The following KCNN3 variants were observed in gnomAD, a reference collection of about 807,000 sequenced individuals.
The protein encoded by KCNN3 is potassium calcium-activated channel subfamily N member 3, also known as small conductance calcium-activated potassium channel protein 3.
A neutral mutation model predicts 62.9 loss-of-function variants in KCNN3; 16 were observed. The ratio of observed to expected loss-of-function variants is 0.25; its 90% confidence interval spans 0.17 to 0.39. KCNN3 has a LOEUF of 0.39. Among genes scored for constraint, KCNN3 ranks in the 10% least tolerant of loss-of-function variants. The pLI is 1.00. For missense variants in KCNN3, 599 were observed against 949.4 expected (o/e 0.63, Z 4.85); for synonymous variants, 370 against 389.2 (o/e 0.95, Z 0.58).
At chr1:154,830,492 G>A (rs1174850814) in intron 1 of KCNN3, among the ~76,000 whole-genome samples, 1 of 152,242 alleles carries the variant, frequency 6.6e-6, no homozygotes, top group Non-Finnish European at 1.5e-5. Context: ...TGTGATAGAT[G>A]GTGAACAGAC....
At chr1:154,836,335 T>C (rs1473533971) in intron 1 of KCNN3, among the ~76,000 whole-genome samples, 1 of 152,216 alleles carries the variant, frequency 6.6e-6, no homozygotes, top group Admixed American at 6.5e-5. Flanking sequence ...CGACTGGCCT[T>C]AATTTGGGCT....
intron 5 of KCNN3, among the ~76,000 whole-genome samples, chr1:154,719,057 G>A (rs1700292074): frequency 6.6e-6 from 1 of 152,134 alleles, no homozygotes; most frequent in Admixed American, 6.5e-5. Context: ...TGCTATTACA[G>A]AGGGGCTGTC....
intron 7 of KCNN3, 45 bp downstream of exon 7, chr1:154,713,419 A>G: frequency 6.7e-7 from 1 of 1,488,878 alleles, no homozygotes; most frequent in Non-Finnish European, 9.4e-7. Context: ...GAGAAGACTC[A>G]GTGTCTGCGT....
Position 154,711,864 on chromosome 1 carries a change from G to A in KCNN3, c.1899+1600C>T, listed in dbSNP as rs181583578. On this transcript the variant is annotated intron_variant, in intron 7 of 7. Coordinates refer to ENST00000271915, the MANE Select transcript of KCNN3 (RefSeq NM_002249.6). ...GAATTGGAGCCTGTTACAGTCTGTC[G>A]CGGGGACAGGAGGCAGAGAGGGAGA... Among the ~76,000 whole-genome samples, 349 of 152,234 alleles carry A rather than the reference G, an allele frequency of 2.3e-3. 2 individuals carry two copies. The highest frequency in any genetic ancestry group is 7.9e-3 in the African/African-American group (329 of 41,510).
rs193001716 is a variant in KCNN3, at chr1:154,828,344, C to T, written c.934-6160G>A. ...ATAGGGACATGTCCAACACTCATTC[C>T]TTTTTTTTTTTTTCTTAGGAGTTTT... is the stretch of plus-strand genomic sequence containing the variant. On this transcript the variant is annotated intron_variant, in intron 1 of 7. Coordinates refer to ENST00000271915, the MANE Select transcript of KCNN3 (RefSeq NM_002249.6). Among the ~76,000 whole-genome samples, 515 of 145,186 alleles carry T rather than the reference C, an allele frequency of 3.5e-3. 3 individuals are homozygous for T. Among genetic ancestry groups the T allele is most frequent in the African/African-American group, 0.012 (463 of 39,762 alleles).
At position 154,869,022 on chromosome 1, in the gene KCNN3, C is replaced by T; in HGVS notation, c.933+10G>A. 6.2e-7 allele frequency: 1 copy of T among 1,613,892 alleles called. No homozygotes were observed. Among genetic ancestry groups the T allele is most frequent in the East Asian group, 2.2e-5 (1 of 44,868 alleles). ...TTGTTCAAGGTATAAAGAGAAACCA[C>T]AGCCCCTACCTTTGAGTACAAACCC... On this transcript the variant is annotated intron_variant, in intron 1 of 7. Coordinates refer to ENST00000271915, the MANE Select transcript of KCNN3 (RefSeq NM_002249.6). This position sits in a 1 kb window ranked among gnomAD's most constrained non-coding sequence, Gnocchi z 6.1.
At chr1:154,717,954 G>A (rs896995200) in intron 5 of KCNN3, among the ~76,000 whole-genome samples, 2 of 152,264 alleles carry the variant, frequency 1.3e-5, no homozygotes, top group African/African-American at 4.8e-5. Context: ...GAGCACATGA[G>A]GTCATGTGCC....
Position 154,733,008 on chromosome 1 carries a change from T to C in KCNN3, c.1585A>G (p.Ile529Val). 6.2e-7 allele frequency: 1 copy of C among 1,614,116 alleles called. No homozygotes were observed. Among genetic ancestry groups the C allele is most frequent in the Non-Finnish European group, 8.5e-7 (1 of 1,180,012 alleles). Residue 529 changes from isoleucine to valine, a missense_variant, in exon 4 of 8, where the codon ATC becomes GTC. Transcript: ENST00000271915. ...GGGGAGAGGCGGGTACTCACCATGA[T>C]GCCAGTGAGGAGACAGACACCTTTC... ...CGKGVCLLTG[I>V]MGAGCTALVV...
chr1:154,846,648 G>A (rs1185986535), intron 1 of KCNN3, among the ~76,000 whole-genome samples: 1 of 152,190 alleles, frequency 6.6e-6, no homozygotes, highest in East Asian at 1.9e-4. Flanking sequence ...TTGGGTGTCT[G>A]CAGCCAGTTT....
intron 3 of KCNN3, among the ~76,000 whole-genome samples, chr1:154,746,217 C>A (rs537772977): frequency 8.5e-5 from 13 of 152,308 alleles, no homozygotes; most frequent in African/African-American, 2.9e-4. Context: ...AGACACCAAG[C>A]AACACCAAGG....
At chr1:154,730,828 C>A (rs978771468) in intron 4 of KCNN3, among the ~76,000 whole-genome samples, 10 of 152,174 alleles carry the variant, frequency 6.6e-5, no homozygotes, top group South Asian at 2.1e-4. Context: ...CCACAGGGAA[C>A]AGAACGCTCT....
At chr1:154,791,922 C>T (rs1393407556) in intron 2 of KCNN3, among the ~76,000 whole-genome samples, 2 of 152,218 alleles carry the variant, frequency 1.3e-5, no homozygotes, top group Admixed American at 6.5e-5. Context: ...TCTGCCAACC[C>T]ATCTATAATA....
chr1:154,822,270 G>C (rs1157047416), intron 1 of KCNN3, 86 bp from the exon 2 acceptor site: 3 of 1,010,232 alleles, frequency 3.0e-6, no homozygotes, highest in South Asian at 1.3e-5. Context: ...AAGAGAAGGG[G>C]TGGGGACACA....
At chr1:154,804,266 G>A (rs940266030) in intron 2 of KCNN3, among the ~76,000 whole-genome samples, 9 of 152,240 alleles carry the variant, frequency 5.9e-5, no homozygotes, top group South Asian at 2.1e-4. Flanking sequence ...CAATTGGCTC[G>A]AATTCACAAC....
At chr1:154,773,747 G>A (rs1226231957) in intron 2 of KCNN3, among the ~76,000 whole-genome samples, 1 of 152,238 alleles carries the variant, frequency 6.6e-6, no homozygotes, top group Admixed American at 6.5e-5. Flanking sequence ...TCACGATGGT[G>A]AGAAAGATCA....
intron 3 of KCNN3, among the ~76,000 whole-genome samples, chr1:154,770,952 G>A (rs1648525483): frequency 6.6e-6 from 1 of 152,026 alleles, no homozygotes; most frequent in Non-Finnish European, 1.5e-5. Flanking sequence ...AGCTACATGG[G>A]AGGCTGAGGC....
chr1:154,741,933 C>A (rs181767236), intron 3 of KCNN3, among the ~76,000 whole-genome samples: 1 of 152,216 alleles, frequency 6.6e-6, no homozygotes, highest in Non-Finnish European at 1.5e-5. Flanking sequence ...CCTGTGCTTG[C>A]GAATTTCTCC....
intron 2 of KCNN3, among the ~76,000 whole-genome samples, chr1:154,813,208 CTTTTTT>C (rs57970335): frequency 1.0e-4 from 9 of 88,330 alleles, no homozygotes; most frequent in East Asian, 4.2e-4. Flanking sequence ...TGTTAGGCTG[CTTTTTT>C]TTTTTTTTTT....
At chr1:154,795,052 C>T (rs1384244486) in intron 2 of KCNN3, among the ~76,000 whole-genome samples, 1 of 152,190 alleles carries the variant, frequency 6.6e-6, no homozygotes, top group Non-Finnish European at 1.5e-5. Context: ...TACTTAGTTA[C>T]TGAGACAGGC....
Sources: allele counts gnomAD v4.1 joint callset (sites outside exome capture counted in the v4.1 genomes callset), GRCh38; gene constraint gnomAD v4.1.1; non-coding constraint Gnocchi (gnomAD v3.1); transcripts MANE v1.5; gene names NCBI Gene and HGNC (gene_info 2026-07-23, HGNC 2026-07-21).